Variants in PTK2 observed in about 807,000 individuals in gnomAD.
The protein encoded by PTK2 is protein tyrosine kinase 2.
Under a neutral mutation model 150.1 loss-of-function variants are expected in PTK2, and 45 were observed. The ratio of observed to expected loss-of-function variants is 0.30; its 90% CI spans 0.24 to 0.38. The LOEUF is 0.38. Among genes scored for constraint, PTK2 ranks in the 10% least tolerant of loss-of-function variants. The pLI is 1.00. For synonymous variants in PTK2, 432 were observed against 449.2 expected, an observed-to-expected ratio of 0.96 and a Z score of 0.48; for missense variants, 919 against 1,307.3, an observed-to-expected ratio of 0.70 and a Z score of 4.58.
At position 140,986,824 on chromosome 8, in the gene PTK2, T is replaced by TC. The variant is rs2100193433; in HGVS notation, c.-122+14300dup. ...GAGGAAGCGACCCTCATTCCAGGCC[T>TC]CAAAAGAATCCTACAAATCATTTGG... is the stretch of plus-strand genomic sequence containing the variant. On this transcript the variant is annotated intron_variant, in intron 1 of 31. Coordinates refer to ENST00000522684, the Ensembl canonical transcript of PTK2. 2.6e-5 allele frequency among the ~76,000 whole-genome samples: 4 copies of TC among 152,184 alleles called. No homozygotes were observed. In the South Asian group the frequency reaches 8.3e-4, roughly 32 times the overall value.
chr8:140,668,641 AG>A, intron 29 of PTK2: 1 of 487,398 alleles, frequency 2.1e-6, no homozygotes, highest in Non-Finnish European at 3.5e-6. Context: ...CTTTGAGCTC[AG>A]TTAAAGGAAA....
rs1594423591 is a variant in PTK2 at position 140,761,426 on chromosome 8, C to T, written c.1235-164G>A. On this transcript the variant is annotated intron_variant, in intron 15 of 31. Transcript: ENST00000522684. Reference sequence around the variant, plus strand: ...GGAATTCTCTTAAACAATATTTTAACAGGAATTCATGTAATTAGTTATGGT... The same window carrying T: ...GGAATTCTCTTAAACAATATTTTAATAGGAATTCATGTAATTAGTTATGGT... The T allele has an allele frequency of 7.4e-6, 5 of 672,852 alleles. No homozygotes were observed. The East Asian group carries it at 1.3e-4, about 17-fold the overall frequency. 41.7% of individuals were successfully genotyped at this position (672,852 alleles called of 1,614,324 possible).
At chr8:140,759,530 T>TTA (rs1554919747) in intron 16 of PTK2, among the ~76,000 whole-genome samples, 9 of 58,078 alleles carry the variant, frequency 1.5e-4, no homozygotes, top group Non-Finnish European at 2.6e-4. Flanking sequence ...GACCCTGTCC[T>TTA]AAAAAAAAAA....
chr8:140,978,867 C>T (rs1021925437), intron 1 of PTK2, among the ~76,000 whole-genome samples: 1 of 151,328 alleles, frequency 6.6e-6, no homozygotes, highest in African/African-American at 2.5e-5. Context: ...CCCAAATGTC[C>T]ATCAGTGATA....
At position 140,692,532 on chromosome 8, in the gene PTK2, G is replaced by A. The variant is rs949642705; in HGVS notation, c.2500-5838C>T. The stretch of plus-strand genomic sequence containing the variant: ...GTCGGGAGGCTGAAGCAGGAGAATC[G>A]CTTAAACCCGGGAGGCGGAGGTTGC... On this transcript the variant is annotated intron_variant, in intron 26 of 31. Transcript: ENST00000522684. Among the ~76,000 whole-genome samples, 3 of 152,094 alleles carry A rather than the reference G, an allele frequency of 2.0e-5. No individual in the cohort carries two copies. The South Asian group carries it at 6.2e-4, about 31-fold the overall frequency.
At chr8:140,795,375 G>A (rs2100090935) in intron 12 of PTK2, among the ~76,000 whole-genome samples, 1 of 152,086 alleles carries the variant, frequency 6.6e-6, no homozygotes, top group African/African-American at 2.4e-5. Context: ...TAGTGACCTG[G>A]GTCTCTGCTG....
intron 4 of PTK2, among the ~76,000 whole-genome samples, chr8:140,878,650 C>T (rs1008697388): frequency 1.1e-4 from 17 of 151,852 alleles, no homozygotes; most frequent in Non-Finnish European, 2.4e-4. Flanking sequence ...AAAATGTCTA[C>T]CCTAATCAAT....
chr8:140,798,949 G>C (rs2100093334), intron 12 of PTK2, among the ~76,000 whole-genome samples: 1 of 152,174 alleles, frequency 6.6e-6, no homozygotes, highest in Non-Finnish European at 1.5e-5. Flanking sequence ...TAACTGTAGA[G>C]ATTTCTGAAA....
intron 1 of PTK2, among the ~76,000 whole-genome samples, chr8:140,947,950 G>A (rs1224112525): frequency 2.0e-5 from 3 of 152,060 alleles, no homozygotes; most frequent in African/African-American, 7.2e-5. Flanking sequence ...AAAGGTTTCT[G>A]GTATAGGTGT....
chr8:140,758,904 G>A (rs938216320), intron 16 of PTK2, among the ~76,000 whole-genome samples: 17 of 152,172 alleles, frequency 1.1e-4, no homozygotes, highest in African/African-American at 4.1e-4. Flanking sequence ...ACTTTATACT[G>A]TATTTTTACA....
At chr8:140,952,606 C>T (rs776407048) in intron 1 of PTK2, among the ~76,000 whole-genome samples, 12 of 152,118 alleles carry the variant, frequency 7.9e-5, no homozygotes, top group Admixed American at 1.3e-4. Context: ...AAAACACTTG[C>T]GAAAGTCAAA....
At chr8:140,746,481 GA>G (rs1565534322) in intron 18 of PTK2, 1 of 290,328 alleles carries the variant, frequency 3.4e-6, no homozygotes, top group Non-Finnish European at 6.3e-6. Context: ...GCACCAGAGA[GA>G]AAAAATAAAA....
chr8:140,713,928 C>T (rs2100038123), intron 23 of PTK2, among the ~76,000 whole-genome samples: 1 of 152,030 alleles, frequency 6.6e-6, no homozygotes, highest in Non-Finnish European at 1.5e-5. Flanking sequence ...GTTCTGTTGC[C>T]CAGGCTGGAA....
intron 4 of PTK2, among the ~76,000 whole-genome samples, chr8:140,873,399 C>CT (rs1754161964): frequency 6.6e-6 from 1 of 152,134 alleles, no homozygotes; most frequent in South Asian, 2.1e-4. Context: ...ATTGGCCAAA[C>CT]TTATTTTCTC....
intron 16 of PTK2, among the ~76,000 whole-genome samples, chr8:140,758,085 T>C (rs763238791): frequency 2.8e-4 from 43 of 152,236 alleles, no homozygotes; most frequent in Middle Eastern, 3.4e-3. Context: ...TATCTTAGAG[T>C]GTACTCCTAC....
At chr8:140,840,721 G>A (rs1309805865) in intron 7 of PTK2, among the ~76,000 whole-genome samples, 2 of 152,174 alleles carry the variant, frequency 1.3e-5, no homozygotes, top group East Asian at 3.9e-4. Context: ...CTTATTTCTA[G>A]GACACCGGAA....
chr8:140,679,160 G>A (rs2100015686), intron 27 of PTK2, among the ~76,000 whole-genome samples: 1 of 151,266 alleles, frequency 6.6e-6, no homozygotes, highest in Non-Finnish European at 1.5e-5. Flanking sequence ...AAGTAGCTGG[G>A]ATTATAGGTG....
chr8:140,688,435 T>G (rs2100021245), intron 26 of PTK2, among the ~76,000 whole-genome samples: 2 of 149,208 alleles, frequency 1.3e-5, no homozygotes, highest in Non-Finnish European at 3.0e-5. Context: ...AATGTAGCGT[T>G]GGGTGTGGTG....
At chr8:140,950,593 C>T (rs2100179251) in intron 1 of PTK2, among the ~76,000 whole-genome samples, 1 of 152,218 alleles carries the variant, frequency 6.6e-6, no homozygotes, top group Admixed American at 6.5e-5. Context: ...GAGCCAAGCA[C>T]AGCATGCCAA....
Sources: allele counts gnomAD v4.1 joint callset (sites outside exome capture counted in the v4.1 genomes callset), GRCh38; gene constraint gnomAD v4.1.1; transcripts MANE v1.5; gene names NCBI Gene and HGNC (gene_info 2026-07-23, HGNC 2026-07-21).